Variants in NBEA observed in about 807,000 individuals in gnomAD.
NBEA encodes the protein neurobeachin.
NBEA carries 44 observed loss-of-function variants against 343.4 expected under a neutral mutation model. The ratio of observed to expected loss-of-function variants is 0.13; its 90% CI spans 0.10 to 0.16. The LOEUF (loss-of-function observed/expected upper bound fraction) is 0.16, where lower values mean the gene tolerates loss of function less well. Among genes scored for constraint, NBEA ranks in the 10% least tolerant of loss-of-function variants. The pLI, the probability that NBEA is intolerant of heterozygous loss-of-function variation, is 1.00. For missense variants in NBEA, 2,555 were observed against 3,631.3 expected, an observed-to-expected ratio of 0.70 and a Z score of 7.62; for synonymous variants, 1,175 against 1,238.7, an observed-to-expected ratio of 0.95 and a Z score of 1.08.
chr13:35,611,736 T>G (rs1368495685), intron 48 of NBEA, among the ~76,000 whole-genome samples: 1 of 152,342 alleles, frequency 6.6e-6, no homozygotes, highest in Admixed American at 6.5e-5. Context: ...TAGCATGTAT[T>G]GGTACTTTGC....
At chr13:35,664,289 A>G (rs566854369) in intron 55 of NBEA, among the ~76,000 whole-genome samples, 1 of 152,288 alleles carries the variant, frequency 6.6e-6, no homozygotes, top group East Asian at 1.9e-4. Flanking sequence ...AAAGAGGGGC[A>G]CCAAGACCAA....
At chr13:35,040,895 C>A in intron 1 of NBEA, 38 bp from the exon 2 acceptor site, 1 of 1,526,378 alleles carries the variant, frequency 6.6e-7, no homozygotes, top group Non-Finnish European at 9.1e-7. Flanking sequence ...CGATAACCTC[C>A]CATGTTAACA....
At chr13:35,534,215 C>T (rs1490148777) in intron 41 of NBEA, among the ~76,000 whole-genome samples, 1 of 152,136 alleles carries the variant, frequency 6.6e-6, no homozygotes, top group African/African-American at 2.4e-5. Flanking sequence ...AACTCCTAGC[C>T]ACTGGAGCCA....
chr13:35,264,618 C>G (rs1392497774), intron 34 of NBEA, among the ~76,000 whole-genome samples: 1 of 151,754 alleles, frequency 6.6e-6, no homozygotes, highest in Non-Finnish European at 1.5e-5. Flanking sequence ...AATGGTGATA[C>G]ATCACAATAA....
intron 41 of NBEA, among the ~76,000 whole-genome samples, chr13:35,524,097 A>G (rs982233225): frequency 6.6e-6 from 1 of 152,218 alleles, no homozygotes; most frequent in African/African-American, 2.4e-5. Context: ...TCTAATTGGT[A>G]GGATATCTTT....
intron 38 of NBEA, among the ~76,000 whole-genome samples, chr13:35,387,911 A>G (rs184471712): frequency 2.8e-3 from 419 of 152,304 alleles, no homozygotes; most frequent in Non-Finnish European, 4.7e-3. Flanking sequence ...GCAAGGAGAT[A>G]TAGTAATCAT....
At chr13:35,194,804 G>T (rs1033358039) in intron 30 of NBEA, among the ~76,000 whole-genome samples, 21 of 151,888 alleles carry the variant, frequency 1.4e-4, no homozygotes, top group African/African-American at 4.8e-4. Flanking sequence ...ACATTTTAAA[G>T]ATTTTTTTAT....
chr13:35,147,420 C>T (rs892466779), intron 18 of NBEA, among the ~76,000 whole-genome samples: 3 of 152,156 alleles, frequency 2.0e-5, no homozygotes, highest in African/African-American at 4.8e-5. Flanking sequence ...CCCAGCATCC[C>T]CATTGGCTAC....
chr13:35,244,614 T>A (rs1042328174), intron 34 of NBEA, among the ~76,000 whole-genome samples: 1 of 152,098 alleles, frequency 6.6e-6, no homozygotes, highest in Non-Finnish European at 1.5e-5. Flanking sequence ...TTTGGTTCCA[T>A]ATAAATTTGA....
At chr13:35,383,328 A>T (rs2042096593) in intron 38 of NBEA, among the ~76,000 whole-genome samples, 1 of 152,196 alleles carries the variant, frequency 6.6e-6, no homozygotes, top group Non-Finnish European at 1.5e-5. Flanking sequence ...ATCAGCCAGG[A>T]CCAAGATATG....
At chr13:35,524,462 T>C (rs2077874083) in intron 41 of NBEA, among the ~76,000 whole-genome samples, 1 of 152,198 alleles carries the variant, frequency 6.6e-6, no homozygotes, top group South Asian at 2.1e-4. Flanking sequence ...TAAGCTCCAC[T>C]GAACTGAGCC....
chr13:35,083,314 A>G (rs2064529487), intron 10 of NBEA, among the ~76,000 whole-genome samples: 1 of 152,090 alleles, frequency 6.6e-6, no homozygotes, highest in Admixed American at 6.6e-5. Context: ...TGTTTTGCTT[A>G]CTGTAGCCTT....
chr13:35,570,141 C>G (rs932883602), intron 45 of NBEA, among the ~76,000 whole-genome samples: 50 of 152,214 alleles, frequency 3.3e-4, no homozygotes, highest in African/African-American at 9.9e-4. Flanking sequence ...TCAAGCGATT[C>G]TCCTGCCTCA....
chr13:35,566,509 A>G (rs1201488600), intron 44 of NBEA, among the ~76,000 whole-genome samples: 1 of 152,210 alleles, frequency 6.6e-6, no homozygotes, highest in Non-Finnish European at 1.5e-5. Flanking sequence ...TATTATCTAC[A>G]TCAGCAGAAG....
At position 35,328,396 on chromosome 13, in the gene NBEA, AG is replaced by A. The variant is rs199752685; in HGVS notation, c.5903+18806del. Among the ~76,000 whole-genome samples, 970 of 152,094 alleles carry A rather than the reference AG, an allele frequency of 6.4e-3. 9 individuals carry two copies. The highest frequency in any genetic ancestry group is 0.022 in the African/African-American group (933 of 41,534). ...TACAGGGGGAATGGGGATGGTTAAC[AG>A]GTATAAAAAAATAGAAAGAAGGAAT... On this transcript the variant is annotated intron_variant, in intron 36 of 58. Transcript: ENST00000379939.
intron 49 of NBEA, among the ~76,000 whole-genome samples, chr13:35,643,653 A>G (rs2084076548): frequency 1.3e-5 from 2 of 152,158 alleles, no homozygotes; most frequent in South Asian, 4.1e-4. Flanking sequence ...AGTAAAGGAG[A>G]AAAATGTGCT....
intron 48 of NBEA, among the ~76,000 whole-genome samples, chr13:35,620,819 G>A (rs1278622699): frequency 6.6e-6 from 1 of 152,042 alleles, no homozygotes; most frequent in Admixed American, 6.6e-5. Context: ...TAGTCTCCCT[G>A]GGACTTCCTA....
chr13:35,040,100 A>G (rs2062594496), intron 1 of NBEA, among the ~76,000 whole-genome samples: 1 of 152,122 alleles, frequency 6.6e-6, no homozygotes, highest in African/African-American at 2.4e-5. Flanking sequence ...TTATTCCTAA[A>G]TCTTATCGTT....
intron 41 of NBEA, among the ~76,000 whole-genome samples, chr13:35,529,980 A>G (rs1318105966): frequency 1.3e-5 from 2 of 152,222 alleles, no homozygotes; most frequent in Non-Finnish European, 2.9e-5. Context: ...AGCTGAACTG[A>G]AAACAATATT....
Sources: allele counts gnomAD v4.1 joint callset (sites outside exome capture counted in the v4.1 genomes callset), GRCh38; gene constraint gnomAD v4.1.1; transcripts MANE v1.5; gene names NCBI Gene and HGNC (gene_info 2026-07-23, HGNC 2026-07-21).